The following CAPN8 variants were observed in gnomAD, a reference collection of about 807,000 sequenced individuals.
CAPN8 encodes calpain-8.
A neutral mutation model predicts 80.9 loss-of-function variants in CAPN8; 87 were observed. The observed-to-expected ratio is 1.07, with a 90% CI of 0.90 to 1.28. The LOEUF (loss-of-function observed/expected upper bound fraction) is 1.28. CAPN8 is among the 50% of genes most tolerant of loss of function. The pLI, the probability that CAPN8 is intolerant of heterozygous loss-of-function variation, is 0.00. For synonymous variants in CAPN8, 299 were observed against 273.8 expected (o/e 1.09, Z -0.91); for missense variants, 757 against 702.0 (o/e 1.08, Z -0.89).
intron 7 of CAPN8, among the ~76,000 whole-genome samples, chr1:223,622,053 G>T (rs1172302996): frequency 2.0e-5 from 3 of 151,994 alleles, no homozygotes; most frequent in Admixed American, 6.6e-5. Flanking sequence ...TGATCCACCC[G>T]CCTAGGCCTC....
chr1:223,543,985 T>C, intron 19 of CAPN8, 82 bp downstream of exon 19: 1 of 687,502 alleles, frequency 1.5e-6, no homozygotes, highest in Non-Finnish European at 2.7e-6. Flanking sequence ...AGGCAATGTC[T>C]GGTTCTGCCC....
chr1:223,555,539 T>C (rs1656884173), intron 13 of CAPN8, among the ~76,000 whole-genome samples: 1 of 152,180 alleles, frequency 6.6e-6, no homozygotes, highest in South Asian at 2.1e-4. Context: ...TTTAAAGTGG[T>C]TTTATAGGGA....
rs1262860437 is a variant in CAPN8 at position 223,627,161 on chromosome 1, T to C, written c.561-4A>G. 8 of 1,551,918 alleles carry C rather than the reference T, an allele frequency of 5.2e-6. No homozygotes were observed. The highest frequency in any genetic ancestry group is 1.4e-5 in the African/African-American group (1 of 72,964). ...AGCCTCATAACAACCATTAAGCCTA[T>C]TGGAAAAGAAAGAACACATGCTCCA... On this transcript the variant is annotated splice_polypyrimidine_tract_variant and splice_region_variant and intron_variant, in intron 4 of 20. Transcript: ENST00000366872.
chr1:223,614,438 G>A (rs1657114793), intron 10 of CAPN8, among the ~76,000 whole-genome samples: 1 of 151,434 alleles, frequency 6.6e-6, no homozygotes, highest in South Asian at 2.1e-4. Context: ...ATGAAGAACT[G>A]AGTAGCCCAC....
intron 1 of CAPN8, among the ~76,000 whole-genome samples, chr1:223,659,914 C>T (rs1043271466): frequency 6.6e-6 from 1 of 152,172 alleles, no homozygotes; most frequent in African/African-American, 2.4e-5. Flanking sequence ...CACTCTGTGG[C>T]CTGCCAGCTG....
intron 2 of CAPN8, 46 bp downstream of exon 2, chr1:223,654,284 C>G (rs1433643214): frequency 6.6e-7 from 1 of 1,504,098 alleles, no homozygotes; most frequent in Non-Finnish European, 9.1e-7. Context: ...GACACATACA[C>G]ACCCGCCCTC....
intron 8 of CAPN8, 66 bp from the exon 9 acceptor site, chr1:223,619,519 T>C: frequency 1.3e-6 from 2 of 1,523,642 alleles, no homozygotes; most frequent in Non-Finnish European, 1.8e-6. Context: ...GCACGCATAC[T>C]GAGCACGGGA....
At chr1:223,661,565 G>A (rs936000013) in intron 1 of CAPN8, among the ~76,000 whole-genome samples, 2 of 152,178 alleles carry the variant, frequency 1.3e-5, no homozygotes, top group Non-Finnish European at 2.9e-5. Context: ...GAGGGGCAGA[G>A]GTTACAGTGA....
At chr1:223,661,093 G>A (rs937638299) in intron 1 of CAPN8, among the ~76,000 whole-genome samples, 3 of 151,832 alleles carry the variant, frequency 2.0e-5, no homozygotes, top group Non-Finnish European at 4.4e-5. Flanking sequence ...TTGATTCTAG[G>A]AGGCAGAGGT....
intron 1 of CAPN8, among the ~76,000 whole-genome samples, 200 bp from the exon 2 acceptor site, chr1:223,654,599 G>A (rs1383532571): frequency 1.3e-5 from 2 of 152,194 alleles, no homozygotes; most frequent in Admixed American, 1.3e-4. Flanking sequence ...AGCCAGGGGT[G>A]AACAGAGCAG....
At chr1:223,659,382 C>A (rs1658580146) in intron 1 of CAPN8, among the ~76,000 whole-genome samples, 1 of 152,178 alleles carries the variant, frequency 6.6e-6, no homozygotes. Flanking sequence ...CCTCTGTGAT[C>A]TGGCCCCACT....
chr1:223,548,395 A>T (rs912071755), intron 16 of CAPN8, among the ~76,000 whole-genome samples: 2 of 152,052 alleles, frequency 1.3e-5, no homozygotes, highest in African/African-American at 4.8e-5. Flanking sequence ...TCCTCCCAAA[A>T]ACTACTGCCC....
At chr1:223,625,992 T>A (rs1260435580) in intron 5 of CAPN8, 104 bp from the exon 6 acceptor site, 1 of 850,134 alleles carries the variant, frequency 1.2e-6, no homozygotes, top group Admixed American at 2.0e-5. Context: ...GGGGCTTCAG[T>A]GTGGGACTAG....
At chr1:223,652,882 C>T (rs1352313486) in intron 2 of CAPN8, among the ~76,000 whole-genome samples, 3 of 152,116 alleles carry the variant, frequency 2.0e-5, no homozygotes, top group African/African-American at 4.8e-5. Flanking sequence ...CAGCCTCCTT[C>T]TCCATTGGCA....
At chr1:223,552,777 C>T (rs919590779) in intron 14 of CAPN8, among the ~76,000 whole-genome samples, 1 of 152,210 alleles carries the variant, frequency 6.6e-6, no homozygotes, top group East Asian at 1.9e-4. Context: ...ACCAATACTG[C>T]CCCATGCAGC....
chr1:223,619,195 A>G (rs1657299274), intron 9 of CAPN8, 98 bp downstream of exon 9: 11 of 1,442,860 alleles, frequency 7.6e-6, no homozygotes, highest in Non-Finnish European at 9.3e-6. Context: ...CCCTGTCTCA[A>G]AAAAACACAC....
intron 2 of CAPN8, among the ~76,000 whole-genome samples, chr1:223,633,951 A>G (rs1323546936): frequency 1.3e-5 from 2 of 152,224 alleles, no homozygotes; most frequent in Non-Finnish European, 2.9e-5. Context: ...AGTAGCCCCT[A>G]CATTACCTTG....
chr1:223,638,768 C>T (rs1016808969), intron 2 of CAPN8, among the ~76,000 whole-genome samples: 5 of 152,176 alleles, frequency 3.3e-5, no homozygotes, highest in African/African-American at 9.7e-5. Context: ...ACATGAGTCC[C>T]TATGCTGGGG....
intron 2 of CAPN8, among the ~76,000 whole-genome samples, chr1:223,629,197 A>AGTGTGT (rs113967295): frequency 0.093 from 8,844 of 95,240 alleles, 629 homozygotes; most frequent in African/African-American, 0.23. Flanking sequence ...TACGTGTAAG[A>AGTGTGT]GTGTGTGTGT....
Sources: allele counts gnomAD v4.1 joint callset (sites outside exome capture counted in the v4.1 genomes callset), GRCh38; gene constraint gnomAD v4.1.1; transcripts MANE v1.5; gene names NCBI Gene and HGNC (gene_info 2026-07-23, HGNC 2026-07-21).